Variants in CEP192 observed in about 807,000 individuals in gnomAD.
The protein encoded by CEP192 is centrosomal protein 192, also known as centrosomal protein of 192 kDa.
A neutral mutation model predicts 271.8 loss-of-function variants in CEP192; 151 were observed. The observed-to-expected ratio is 0.56, with a 90% CI of 0.49 to 0.64. The LOEUF (loss-of-function observed/expected upper bound fraction) is 0.64, where lower values mean the gene tolerates loss of function less well. CEP192 is among the 30% of genes least tolerant of loss of function. The probability of loss-of-function intolerance (pLI) is 0.00; values close to 1 mark genes in which losing one functional copy is unlikely to be tolerated. For synonymous variants in CEP192, 995 were observed against 1,076.5 expected (o/e 0.92, Z 1.48); for missense variants, 2,910 against 3,020.5 (o/e 0.96, Z 0.86).
chr18:13,053,212 A>G, intron 18 of CEP192, 122 bp downstream of exon 18: 1 of 826,724 alleles, frequency 1.2e-6, no homozygotes, highest in Non-Finnish European at 1.9e-6. Context: ...TATCTTTAAA[A>G]TGATTTTTGT....
In CEP192 at chr18:13,117,661, C is replaced by T. The variant is rs1194982691; in HGVS notation, c.7475+18C>T. On this transcript the variant is annotated intron_variant, in intron 44 of 44. Coordinates refer to ENST00000506447, the MANE Select transcript of CEP192 (RefSeq NM_032142.4). ...TCTTTGAGGTAAGTTTATCGCAGAT[C>T]ACAGTGTTCTCATCAGCGATGCAGG... The T allele has an allele frequency of 1.9e-6, 3 of 1,599,934 alleles. No homozygotes were observed. Among genetic ancestry groups the T allele is most frequent in the Non-Finnish European group, 2.6e-6 (3 of 1,167,546 alleles).
intron 21 of CEP192, among the ~76,000 whole-genome samples, chr18:13,065,074 C>T (rs2037620268): frequency 1.3e-5 from 2 of 151,750 alleles, no homozygotes. Flanking sequence ...ATTTCTTTTT[C>T]ACATAGTTCA....
intron 5 of CEP192, among the ~76,000 whole-genome samples, chr18:13,013,275 C>T (rs2145915610): frequency 6.6e-6 from 1 of 152,210 alleles, no homozygotes; most frequent in Admixed American, 6.5e-5. Context: ...GTTTGCTCTG[C>T]TTCACTCTGT....
chr18:13,009,876 C>T (rs550467299), intron 4 of CEP192, among the ~76,000 whole-genome samples: 1 of 151,882 alleles, frequency 6.6e-6, no homozygotes, highest in East Asian at 1.9e-4. Context: ...GAAGAAACTA[C>T]AAAAATATGG....
At chr18:13,006,724 T>C (rs561574927) in intron 3 of CEP192, among the ~76,000 whole-genome samples, 233 of 152,232 alleles carry the variant, frequency 1.5e-3, no homozygotes, top group Non-Finnish European at 2.9e-3. Context: ...TTATTTCTCA[T>C]TGGCTTCCAC....
At chr18:13,112,354 G>C (rs549611709) in intron 40 of CEP192, among the ~76,000 whole-genome samples, 2 of 152,344 alleles carry the variant, frequency 1.3e-5, no homozygotes, top group African/African-American at 4.8e-5. Context: ...ATTATGCTAA[G>C]TGAAAGAAGC....
chr18:13,080,512 G>A (rs1328379144), intron 30 of CEP192, among the ~76,000 whole-genome samples: 5 of 152,074 alleles, frequency 3.3e-5, no homozygotes, highest in Admixed American at 1.3e-4. Flanking sequence ...TGCTGAAGTT[G>A]CTTATCAGCT....
chr18:13,054,423 G>A lies in CEP192; in HGVS notation c.3189+1333G>A, dbSNP rs549332104. 8.5e-5 allele frequency among the ~76,000 whole-genome samples: 13 copies of A among 152,306 alleles called. No homozygotes were observed. The South Asian group carries it at 2.1e-3, about 24-fold the overall frequency. ...ATGCTGCATAGTCTTCCTCCACCAA[G>A]CCACTGAAGAGTTACTGAATACACA... On this transcript the variant is annotated intron_variant, in intron 18 of 44. Coordinates refer to ENST00000506447, the MANE Select transcript of CEP192 (RefSeq NM_032142.4).
chr18:13,032,443 C>G (rs971531294), intron 11 of CEP192, among the ~76,000 whole-genome samples: 1 of 152,076 alleles, frequency 6.6e-6, no homozygotes, highest in Non-Finnish European at 1.5e-5. Flanking sequence ...GCGGTTAGGA[C>G]TTGCTCAATG....
intron 15 of CEP192, among the ~76,000 whole-genome samples, chr18:13,044,210 A>C (rs1015932721): frequency 6.6e-6 from 1 of 151,696 alleles, no homozygotes; most frequent in South Asian, 2.1e-4. Flanking sequence ...TTATCTATCA[A>C]CTCTTTGGAT....
intron 1 of CEP192, among the ~76,000 whole-genome samples, chr18:12,998,840 T>G (rs184765177): frequency 1.7e-3 from 254 of 152,340 alleles, no homozygotes; most frequent in Admixed American, 3.6e-3. Context: ...GCATAGGTTT[T>G]GTGCTGGTGT....
chr18:13,101,289 G>T (rs2039693521), intron 38 of CEP192, among the ~76,000 whole-genome samples: 1 of 152,170 alleles, frequency 6.6e-6, no homozygotes, highest in African/African-American at 2.4e-5. Context: ...CTCAACTGTG[G>T]GCTCAGGTAG....
In CEP192 at chr18:13,095,573, G is replaced by C; in HGVS notation, c.6325G>C (p.Gly2109Arg). Residue 2109 changes from glycine (G) to arginine (R), a missense_variant, in exon 35 of 45, where the codon GGT becomes CGT. By Grantham distance (125) the Gly-to-Arg change is moderately radical. Transcript: ENST00000506447. Reference sequence around the variant, plus strand: ...TGTTTTACCAGTCAAAGGTCCTCAGGGTTCTCCTCTTCTCTCACGGGCGGC... The same window carrying C: ...TGTTTTACCAGTCAAAGGTCCTCAGCGTTCTCCTCTTCTCTCACGGGCGGC... ...LDVLPVKGPQ[G>R]SPLLSRAARP... is the part of the protein sequence containing the mutation. 2 of 1,614,178 alleles carry C rather than the reference G, an allele frequency of 1.2e-6. No homozygotes were observed. The highest frequency in any genetic ancestry group is 1.7e-6 in the Non-Finnish European group (2 of 1,180,000).
intron 21 of CEP192, 115 bp downstream of exon 21, chr18:13,059,427 T>C: frequency 1.3e-6 from 1 of 742,560 alleles, no homozygotes; most frequent in South Asian, 1.8e-5. Flanking sequence ...ACAAAATTAG[T>C]TTCAAGCTGA....
chr18:13,116,575 A>C lies in CEP192; in HGVS notation c.7416+72A>C, dbSNP rs985972143. 7 of 1,388,182 alleles carry C rather than the reference A, an allele frequency of 5.0e-6. No homozygotes were observed. The Admixed American group carries it at 1.1e-4, about 22-fold the overall frequency. 86.0% of individuals were successfully genotyped at this position (1,388,182 alleles called of 1,614,324 possible). Reference sequence around the variant, plus strand: ...AACTCTGATAACAAACATTTTCCTGATGATTCTGTAGACTATATTTAAGTT... The same window carrying C: ...AACTCTGATAACAAACATTTTCCTGCTGATTCTGTAGACTATATTTAAGTT... On this transcript the variant is annotated intron_variant, in intron 43 of 44. Transcript: ENST00000506447.
intron 11 of CEP192, among the ~76,000 whole-genome samples, chr18:13,031,206 C>T (rs914082607): frequency 2.7e-5 from 4 of 150,854 alleles, no homozygotes. Context: ...GAAGGAGCCA[C>T]GCTGCTCAGG....
intron 6 of CEP192, among the ~76,000 whole-genome samples, chr18:13,015,744 G>A (rs2034608172): frequency 6.6e-6 from 1 of 151,670 alleles, no homozygotes. Flanking sequence ...GGGGAACCAT[G>A]AAATTTTTTT....
chr18:13,068,891 A>G lies in CEP192; in HGVS notation c.4862A>G (p.Asp1621Gly). The change falls in exon 25 of 45, where the codon GAT becomes GGT. Residue 1621 changes from aspartate (D) to glycine (G), a missense_variant. Transcript: ENST00000506447. ...GCAGAAGAATTCTCGGCAAAAGTTGATATCGAAGTTGACAGCCCAAACCCT... is the reference window on the plus strand; with the variant it reads ...GCAGAAGAATTCTCGGCAAAAGTTGGTATCGAAGTTGACAGCCCAAACCCT... Reference protein sequence around the residue: ...DSAEEFSAKVDIEVDSPNPTP... With the variant: ...DSAEEFSAKVGIEVDSPNPTP... The G allele has an allele frequency of 6.2e-7, 1 of 1,614,198 alleles. No homozygotes were observed. Among genetic ancestry groups the G allele is most frequent in the Non-Finnish European group, 8.5e-7 (1 of 1,180,030 alleles).
At chr18:13,089,800 A>G (rs988227163) in intron 33 of CEP192, among the ~76,000 whole-genome samples, 6 of 152,236 alleles carry the variant, frequency 3.9e-5, no homozygotes, top group South Asian at 4.1e-4. Flanking sequence ...TCATCCATAC[A>G]GAGTTGTTAT....
Sources: allele counts gnomAD v4.1 joint callset (sites outside exome capture counted in the v4.1 genomes callset), GRCh38; gene constraint gnomAD v4.1.1; transcripts MANE v1.5; gene names NCBI Gene and HGNC (gene_info 2026-07-23, HGNC 2026-07-21).